The following CELF4 variants were observed in gnomAD, a reference collection of about 807,000 sequenced individuals.
CELF4 encodes CUGBP Elav-like family member 4, also known as CUG-BP- and ETR-3-like factor 4.
A neutral mutation model predicts 59.9 loss-of-function variants in CELF4; 18 were observed. The observed-to-expected ratio is 0.30, with a 90% confidence interval of 0.21 to 0.45. The LOEUF (loss-of-function observed/expected upper bound fraction) is 0.45, where lower values mean the gene tolerates loss of function less well. CELF4 is among the 20% of genes least tolerant of loss of function. The pLI is 1.00. For synonymous variants in CELF4, 261 were observed against 267.1 expected (o/e 0.98, Z 0.22); for missense variants, 456 against 689.0 (o/e 0.66, Z 3.79).
chr18:37,426,012 G>T (rs1235626956), intron 2 of CELF4, among the ~76,000 whole-genome samples: 1 of 152,220 alleles, frequency 6.6e-6, no homozygotes, highest in Non-Finnish European at 1.5e-5. Context: ...GTGAGGGACA[G>T]TGGCCACTGG....
At chr18:37,303,078 G>A (rs973093589) in intron 3 of CELF4, among the ~76,000 whole-genome samples, 3 of 152,184 alleles carry the variant, frequency 2.0e-5, no homozygotes, top group Non-Finnish European at 1.5e-5. Context: ...GTGGAAGAGA[G>A]GAGAAGGAAC....
At chr18:37,297,266 C>A (rs1328327256) in intron 3 of CELF4, among the ~76,000 whole-genome samples, 1 of 152,186 alleles carries the variant, frequency 6.6e-6, no homozygotes, top group East Asian at 1.9e-4. Context: ...CACTACCTGC[C>A]ATCTGCCAAG....
chr18:37,264,350 G>C (rs1212650635), intron 10 of CELF4, among the ~76,000 whole-genome samples: 1 of 152,242 alleles, frequency 6.6e-6, no homozygotes, highest in Non-Finnish European at 1.5e-5. Context: ...TGTGAGCTCT[G>C]TGTCAGGCCA....
chr18:37,536,512 C>T (rs1392330010), intron 1 of CELF4, among the ~76,000 whole-genome samples: 1 of 152,224 alleles, frequency 6.6e-6, no homozygotes, highest in Non-Finnish European at 1.5e-5. Context: ...TGCAGGGCAC[C>T]TGTGTGCTGC....
chr18:37,286,854 C>T (rs912180837), intron 3 of CELF4, among the ~76,000 whole-genome samples: 1 of 152,186 alleles, frequency 6.6e-6, no homozygotes, highest in Non-Finnish European at 1.5e-5. Flanking sequence ...TCCTCCATTA[C>T]CACCCAGTTG....
chr18:37,354,923 G>C (rs1330747915), intron 2 of CELF4, among the ~76,000 whole-genome samples: 2 of 152,276 alleles, frequency 1.3e-5, no homozygotes, highest in Non-Finnish European at 2.9e-5. Flanking sequence ...TGCCTATGGA[G>C]AGAGATATTT....
intron 1 of CELF4, among the ~76,000 whole-genome samples, chr18:37,544,279 G>A (rs1463428668): frequency 6.6e-6 from 1 of 152,140 alleles, no homozygotes; most frequent in Admixed American, 6.5e-5. Flanking sequence ...TCTAGGCAGG[G>A]TGTAAATTCC....
At position 37,294,134 on chromosome 18, in the gene CELF4, G is replaced by A. The variant is rs542756205; in HGVS notation, c.449-18891C>T. ...TTCCACTGTGGCACGGGTGAGGGTGGGGGCAGGCTGGGGGACTCCCACGGT... is the reference window on the plus strand; with the variant it reads ...TTCCACTGTGGCACGGGTGAGGGTGAGGGCAGGCTGGGGGACTCCCACGGT... On this transcript the variant is annotated intron_variant, in intron 3 of 12. Transcript: ENST00000420428. Among the ~76,000 whole-genome samples, 3 of 152,290 alleles carry A rather than the reference G, an allele frequency of 2.0e-5. No homozygotes were observed. In the South Asian group the frequency reaches 6.2e-4, roughly 32 times the overall value.
chr18:37,375,398 T>G (rs2098956541), intron 2 of CELF4, among the ~76,000 whole-genome samples: 1 of 152,096 alleles, frequency 6.6e-6, no homozygotes, highest in Non-Finnish European at 1.5e-5. Context: ...CACAGGGCCT[T>G]CAGGGCTGGT....
chr18:37,485,375 G>A (rs558985562), intron 2 of CELF4, 150 bp downstream of exon 2: 1 of 204,496 alleles, frequency 4.9e-6, no homozygotes, highest in Admixed American at 6.6e-5. Context: ...CGAGAGCCCA[G>A]GGATTTGGGG....
intron 2 of CELF4, among the ~76,000 whole-genome samples, chr18:37,422,646 A>G (rs2099585301): frequency 3.3e-5 from 5 of 152,282 alleles, no homozygotes; most frequent in South Asian, 2.1e-4. Flanking sequence ...GTGTGCGCAC[A>G]TGTGTGCATG....
intron 3 of CELF4, among the ~76,000 whole-genome samples, chr18:37,293,764 A>T (rs779200729): frequency 3.3e-5 from 5 of 152,228 alleles, no homozygotes; most frequent in African/African-American, 4.8e-5. Context: ...CTGATGGGCT[A>T]GAGGGGACTG....
At chr18:37,339,684 G>A (rs1448421794) in intron 2 of CELF4, among the ~76,000 whole-genome samples, 6 of 151,710 alleles carry the variant, frequency 4.0e-5, no homozygotes, top group Admixed American at 1.3e-4. Flanking sequence ...AACCTGGGAG[G>A]TGGAGTTTGC....
intron 2 of CELF4, among the ~76,000 whole-genome samples, chr18:37,356,499 G>T (rs1308804237): frequency 5.9e-5 from 9 of 152,082 alleles, no homozygotes; most frequent in African/African-American, 2.2e-4. Context: ...TGCTGGGAAG[G>T]CCATTGGTGC....
intron 2 of CELF4, among the ~76,000 whole-genome samples, chr18:37,331,996 G>T (rs596885): frequency 0.038 from 5,832 of 152,216 alleles, 288 homozygotes; most frequent in East Asian, 0.12. Flanking sequence ...CATTTGGAAA[G>T]AGCAAGGAGG....
chr18:37,513,698 A>G (rs1479830861), intron 1 of CELF4, among the ~76,000 whole-genome samples: 1 of 152,116 alleles, frequency 6.6e-6, no homozygotes, highest in East Asian at 1.9e-4. Context: ...CAGATTGTCC[A>G]TGCTCATCCT....
intron 3 of CELF4, among the ~76,000 whole-genome samples, chr18:37,294,863 C>T (rs909294069): frequency 6.6e-6 from 1 of 152,180 alleles, no homozygotes; most frequent in African/African-American, 2.4e-5. Context: ...CTTTTTATGA[C>T]ATTTATCAAC....
intron 2 of CELF4, among the ~76,000 whole-genome samples, chr18:37,396,024 C>T (rs894740711): frequency 6.6e-6 from 1 of 152,190 alleles, no homozygotes; most frequent in Non-Finnish European, 1.5e-5. Context: ...CTTCATAGGT[C>T]CCCCCTTCTG....
intron 3 of CELF4, among the ~76,000 whole-genome samples, chr18:37,278,511 C>T (rs542031802): frequency 1.5e-4 from 23 of 152,212 alleles, no homozygotes; most frequent in Non-Finnish European, 2.5e-4. Context: ...CTGACTCCCC[C>T]TCCCGCTCCC....
Sources: allele counts gnomAD v4.1 joint callset (sites outside exome capture counted in the v4.1 genomes callset), GRCh38; gene constraint gnomAD v4.1.1; transcripts MANE v1.5; gene names NCBI Gene and HGNC (gene_info 2026-07-23, HGNC 2026-07-21).